The following CLASP2 variants were observed in gnomAD, a reference collection of about 807,000 sequenced individuals.
The protein encoded by CLASP2 is CLIP-associating protein 2.
CLASP2 carries 47 observed loss-of-function variants against 194.4 expected under a neutral mutation model. The observed-to-expected ratio is 0.24, with a 90% CI of 0.19 to 0.31. The LOEUF (loss-of-function observed/expected upper bound fraction) is 0.31. Among genes scored for constraint, CLASP2 ranks in the 10% least tolerant of loss-of-function variants. The pLI is 1.00. For missense variants in CLASP2, 1,445 were observed against 1,823.6 expected, an observed-to-expected ratio of 0.79 and a Z score of 3.78; for synonymous variants, 619 against 633.5, an observed-to-expected ratio of 0.98 and a Z score of 0.34.
intron 9 of CLASP2, 82 bp downstream of exon 9, chr3:33,632,210 T>C: frequency 1.2e-6 from 1 of 830,032 alleles, no homozygotes. Flanking sequence ...GAAAAAAGAA[T>C]TCTTAAAAAG....
chr3:33,604,269 C>A, intron 16 of CLASP2, 60 bp from the exon 17 acceptor site: 1 of 1,063,306 alleles, frequency 9.4e-7, no homozygotes, highest in Non-Finnish European at 1.4e-6. Context: ...CTGATAAAAA[C>A]CAATAAAATA....
intron 1 of CLASP2, among the ~76,000 whole-genome samples, chr3:33,707,321 C>T (rs1031461607): frequency 4.6e-5 from 7 of 152,080 alleles, no homozygotes; most frequent in African/African-American, 1.7e-4. Flanking sequence ...CAAAAACAAA[C>T]ATTTGAAGGA....
At chr3:33,707,681 C>A (rs1295895755) in intron 1 of CLASP2, among the ~76,000 whole-genome samples, 1 of 151,898 alleles carries the variant, frequency 6.6e-6, no homozygotes, top group Non-Finnish European at 1.5e-5. Context: ...TGCCTCCCTG[C>A]CCCACAAAAA....
At chr3:33,631,719 T>C (rs2079121625) in intron 9 of CLASP2, among the ~76,000 whole-genome samples, 1 of 151,524 alleles carries the variant, frequency 6.6e-6, no homozygotes. Flanking sequence ...AAAAATTCAT[T>C]GCAGCATGAT....
intron 1 of CLASP2, among the ~76,000 whole-genome samples, chr3:33,707,581 C>CA (rs1486862251): frequency 1.3e-5 from 2 of 152,084 alleles, no homozygotes; most frequent in African/African-American, 4.8e-5. Context: ...CACACACACA[C>CA]AAAAAAGAGA....
chr3:33,680,909 G>A (rs1458142635), intron 6 of CLASP2, among the ~76,000 whole-genome samples: 4 of 151,946 alleles, frequency 2.6e-5, no homozygotes, highest in Non-Finnish European at 4.4e-5. Flanking sequence ...GGCGGATCAC[G>A]AGGTCAGGAG....
chr3:33,599,896 A>G (rs2071549421), intron 18 of CLASP2, among the ~76,000 whole-genome samples: 1 of 152,144 alleles, frequency 6.6e-6, no homozygotes, highest in Non-Finnish European at 1.5e-5. Context: ...AAAAGAAAAA[A>G]GTAGTGGCAC....
At chr3:33,710,625 C>G (rs1007255262) in intron 1 of CLASP2, among the ~76,000 whole-genome samples, 1 of 151,986 alleles carries the variant, frequency 6.6e-6, no homozygotes, top group Admixed American at 6.6e-5. Flanking sequence ...TTATGATACT[C>G]TCTAACACTT....
chr3:33,571,799 T>C (rs1413055635), intron 25 of CLASP2, among the ~76,000 whole-genome samples: 4 of 152,058 alleles, frequency 2.6e-5, no homozygotes, highest in Admixed American at 6.6e-5. Context: ...CGAGATCTCA[T>C]CTCTTTAAAA....
At chr3:33,520,167 C>T (rs2052579817) in intron 34 of CLASP2, among the ~76,000 whole-genome samples, 1 of 150,798 alleles carries the variant, frequency 6.6e-6, no homozygotes, top group Non-Finnish European at 1.5e-5. Flanking sequence ...GCACCTGCTA[C>T]CACGCCCAGC....
chr3:33,700,251 AC>A (rs2092280358), intron 1 of CLASP2, among the ~76,000 whole-genome samples: 1 of 151,854 alleles, frequency 6.6e-6, no homozygotes, highest in South Asian at 2.1e-4. Context: ...GCATGGCAAA[AC>A]CCCATCTCTA....
intron 6 of CLASP2, among the ~76,000 whole-genome samples, chr3:33,677,022 T>G (rs1407699577): frequency 1.3e-5 from 2 of 152,168 alleles, no homozygotes; most frequent in African/African-American, 4.8e-5. Flanking sequence ...TCACACCAGT[T>G]AGAATGGCAA....
chr3:33,708,923 CT>C (rs956762717), intron 1 of CLASP2, among the ~76,000 whole-genome samples: 1 of 152,124 alleles, frequency 6.6e-6, no homozygotes, highest in African/African-American at 2.4e-5. Context: ...GTGGTTCTGA[CT>C]TACATTACCC....
intron 21 of CLASP2, among the ~76,000 whole-genome samples, chr3:33,589,672 G>C (rs1425373313): frequency 6.6e-6 from 1 of 152,090 alleles, no homozygotes; most frequent in Non-Finnish European, 1.5e-5. Flanking sequence ...CAATTACTGT[G>C]TTTTCACAAT....
chr3:33,657,898 C>G (rs1316068538), intron 7 of CLASP2, among the ~76,000 whole-genome samples: 2 of 152,058 alleles, frequency 1.3e-5, no homozygotes, highest in African/African-American at 2.4e-5. Context: ...TAGAAGAGTT[C>G]ACTACATACA....
chr3:33,511,330 G>A (rs749959838), intron 36 of CLASP2, among the ~76,000 whole-genome samples: 2 of 151,982 alleles, frequency 1.3e-5, no homozygotes, highest in African/African-American at 2.4e-5. Context: ...GTGAGCTGCC[G>A]TGAGCGGCCT....
intron 1 of CLASP2, among the ~76,000 whole-genome samples, chr3:33,711,969 C>T (rs553619855): frequency 6.6e-6 from 1 of 152,184 alleles, no homozygotes; most frequent in African/African-American, 2.4e-5. Context: ...CCTAAAGAAT[C>T]CTAAAAGTAG....
chr3:33,715,058 C>T (rs1030460671), intron 1 of CLASP2, among the ~76,000 whole-genome samples: 2 of 152,184 alleles, frequency 1.3e-5, no homozygotes, highest in Non-Finnish European at 2.9e-5. Flanking sequence ...TCTAGCCAGG[C>T]TGGCTTTATG....
chr3:33,696,788 A>T, intron 2 of CLASP2, 67 bp downstream of exon 2: 1 of 1,071,118 alleles, frequency 9.3e-7, no homozygotes, highest in Admixed American at 2.2e-5. Flanking sequence ...CTGCTAAATA[A>T]AAACTAACGA....
Sources: gnomAD v4.1 joint callset for allele counts (sites outside exome capture counted in the v4.1 genomes callset) on GRCh38, gnomAD v4.1.1 for gene constraint, MANE v1.5 for transcripts, NCBI Gene and HGNC (gene_info 2026-07-23, HGNC 2026-07-21) for gene names.